Variants in PPP2R5E observed in about 807,000 individuals in gnomAD.
PPP2R5E encodes serine/threonine-protein phosphatase 2A 56 kDa regulatory subunit epsilon isoform.
In PPP2R5E, 4 loss-of-function variants were observed where a neutral mutation model predicts 65.3. The observed-to-expected ratio is 0.06, with a 90% CI of 0.03 to 0.14. The LOEUF is 0.14. Ranked by LOEUF, PPP2R5E falls within the 10% of genes least tolerant of loss-of-function variation. PPP2R5E has a pLI of 1.00. For synonymous variants in PPP2R5E, 183 were observed against 187.4 expected (o/e 0.98, Z 0.19); for missense variants, 274 against 556.1 (o/e 0.49, Z 5.10).
Position 63,375,942 on chromosome 14 carries a change from T to C in PPP2R5E, c.*67A>G. On this transcript the variant is annotated 3_prime_UTR_variant, in exon 14 of 14. Transcript: ENST00000337537. ...TAAAGTTGCACAATACAGAAAACTG[T>C]TGCTCCATCTTCTACTACATAAACG... The C allele has an allele frequency of 1.8e-6, 2 of 1,123,098 alleles. No homozygotes were observed. The highest frequency in any genetic ancestry group is 2.7e-6 in the Non-Finnish European group (2 of 754,030). The allele number at this position is 1,123,098 out of a possible 1,614,324, so 69.6% of individuals were successfully genotyped here.
intron 2 of PPP2R5E, among the ~76,000 whole-genome samples, chr14:63,466,024 A>C (rs2139532554): frequency 6.6e-6 from 1 of 152,290 alleles, no homozygotes; most frequent in Admixed American, 6.5e-5. Context: ...CGGCCAAAAA[A>C]ACGGCAATAA....
At chr14:63,419,332 G>A (rs986020597) in intron 4 of PPP2R5E, among the ~76,000 whole-genome samples, 6 of 152,116 alleles carry the variant, frequency 3.9e-5, no homozygotes, top group East Asian at 1.9e-4. Context: ...AAAAGGAAGC[G>A]TACTGCTAAT....
intron 4 of PPP2R5E, among the ~76,000 whole-genome samples, chr14:63,419,716 T>C (rs2139877171): frequency 6.6e-6 from 1 of 152,102 alleles, no homozygotes; most frequent in South Asian, 2.1e-4. Flanking sequence ...AAAAGGTTCC[T>C]TCACCTGATC....
intron 2 of PPP2R5E, among the ~76,000 whole-genome samples, chr14:63,468,819 C>A (rs1192373927): frequency 6.6e-6 from 1 of 152,188 alleles, no homozygotes; most frequent in Non-Finnish European, 1.5e-5. Flanking sequence ...ACTTAGAGTT[C>A]TTTACAACAT....
Position 63,433,032 on chromosome 14 carries a change from GTTT to G in PPP2R5E, c.355-10941_355-10939del, listed in dbSNP as rs747571866. On this transcript the variant is annotated intron_variant, in intron 3 of 13. Coordinates refer to ENST00000337537, the MANE Select transcript of PPP2R5E (RefSeq NM_006246.5). ...ACAGTTTTGTTTTTTGTTTTGTTTT[GTTT>G]TTTTTTTTTTTTTTTTTTTTGAGAC... 5.2e-3 allele frequency among the ~76,000 whole-genome samples: 499 copies of G among 96,468 alleles called. 4 individuals are homozygous for G. The highest frequency in any genetic ancestry group is 0.017 in the African/African-American group (450 of 26,430). 63.3% of individuals were successfully genotyped at this position (96,468 alleles called of 152,430 possible). A position where few individuals can be genotyped will look rare whatever the true frequency, so the allele number is the denominator to read the frequency against.
At chr14:63,426,276 G>C (rs1002216756) in intron 3 of PPP2R5E, among the ~76,000 whole-genome samples, 2 of 152,090 alleles carry the variant, frequency 1.3e-5, no homozygotes, top group Non-Finnish European at 2.9e-5. Context: ...GAGTGAAAAA[G>C]CTACTTAAAG....
chr14:63,414,261 T>A (rs1039348656), intron 5 of PPP2R5E, among the ~76,000 whole-genome samples: 2 of 152,176 alleles, frequency 1.3e-5, no homozygotes, highest in African/African-American at 4.8e-5. Context: ...AGGAGACCAA[T>A]TTCCTGCCAA....
chr14:63,473,834 T>C (rs775781666), intron 2 of PPP2R5E, among the ~76,000 whole-genome samples: 20 of 152,124 alleles, frequency 1.3e-4, no homozygotes, highest in Non-Finnish European at 2.9e-4. Flanking sequence ...TTCTAATTAG[T>C]GATGTCAGAA....
intron 2 of PPP2R5E, among the ~76,000 whole-genome samples, chr14:63,500,803 T>C (rs1891839067): frequency 6.6e-6 from 1 of 151,558 alleles, no homozygotes; most frequent in South Asian, 2.1e-4. Flanking sequence ...GATTTTAAGG[T>C]GGCAGCAAGC....
chr14:63,502,653 C>G (rs1891948200), intron 2 of PPP2R5E, among the ~76,000 whole-genome samples: 1 of 151,914 alleles, frequency 6.6e-6, no homozygotes, highest in Non-Finnish European at 1.5e-5. Flanking sequence ...GGTGACAGAG[C>G]AAGACTCCAT....
At chr14:63,496,721 G>T (rs144562140) in intron 2 of PPP2R5E, among the ~76,000 whole-genome samples, 52 of 152,020 alleles carry the variant, frequency 3.4e-4, no homozygotes, top group African/African-American at 1.3e-3. Context: ...TTATTGATCT[G>T]AGTAATCAAA....
chr14:63,426,755 C>T (rs1344040946), intron 3 of PPP2R5E, among the ~76,000 whole-genome samples: 6 of 149,342 alleles, frequency 4.0e-5, no homozygotes, highest in Admixed American at 3.3e-4. Flanking sequence ...GAGAGCTTGG[C>T]TCATGAATGA....
intron 2 of PPP2R5E, among the ~76,000 whole-genome samples, chr14:63,496,554 A>ATAC (rs1891581855): frequency 6.6e-6 from 1 of 152,108 alleles, no homozygotes; most frequent in African/African-American, 2.4e-5. Context: ...TAACCCATCA[A>ATAC]TAACTAAGAA....
intron 2 of PPP2R5E, among the ~76,000 whole-genome samples, chr14:63,485,515 A>C (rs1462351235): frequency 3.9e-5 from 6 of 152,160 alleles, no homozygotes; most frequent in South Asian, 4.1e-4. Context: ...CCCAGGTTCA[A>C]GCGATTTTCC....
intron 2 of PPP2R5E, among the ~76,000 whole-genome samples, chr14:63,530,226 GTTTTTTTTT>G (rs555112537): frequency 1.1e-4 from 11 of 99,484 alleles, no homozygotes; most frequent in African/African-American, 3.7e-4. Context: ...AAATTTTTCC[GTTTTTTTTT>G]TTTTTTTTTT....
chr14:63,416,538 T>G (rs761441764), intron 4 of PPP2R5E, among the ~76,000 whole-genome samples: 1 of 152,072 alleles, frequency 6.6e-6, no homozygotes, highest in Non-Finnish European at 1.5e-5. Context: ...AACTTTTTGG[T>G]CTCACTCCTT....
chr14:63,415,173 G>T lies in PPP2R5E; in HGVS notation c.516C>A (p.Ala172=). 1 of 1,599,870 alleles carries T rather than the reference G, an allele frequency of 6.3e-7. No homozygotes were observed. The highest frequency in any genetic ancestry group is 1.1e-5 in the South Asian group (1 of 90,350). Residue 172 remains alanine, a synonymous_variant, in exon 5 of 14, where the codon GCC becomes GCA. Transcript: ENST00000337537. The part of the protein sequence containing the change: ...LESQEFQPSI[A]KKYIDQKFVL... The stretch of plus-strand genomic sequence containing the variant: ...CAAATTTCTGATCTATATATTTTTT[G>T]GCAATGCTGGGTTGGAATTCTTGGC...
chr14:63,461,847 TACACACACACACACATGCATGTGC>T (rs1470088397), intron 2 of PPP2R5E, among the ~76,000 whole-genome samples: 25 of 150,816 alleles, frequency 1.7e-4, no homozygotes, highest in Admixed American at 1.7e-3. Context: ...CCCTCACACA[TACACACACACACACATGCATGTGC>T]ACACATACAC....
intron 2 of PPP2R5E, among the ~76,000 whole-genome samples, chr14:63,511,955 T>C (rs1892470859): frequency 6.6e-6 from 1 of 151,878 alleles, no homozygotes; most frequent in South Asian, 2.1e-4. Context: ...GGTGCACCCC[T>C]GTAATCCCAG....
Sources: gnomAD v4.1 joint callset for allele counts (sites outside exome capture counted in the v4.1 genomes callset) on GRCh38, gnomAD v4.1.1 for gene constraint, MANE v1.5 for transcripts, NCBI Gene and HGNC (gene_info 2026-07-23, HGNC 2026-07-21) for gene names.